ARFGEF2: variants seen among roughly 807,000 people sequenced by gnomAD.
ARFGEF2 encodes the protein ARF guanine nucleotide exchange factor 2.
ARFGEF2 carries 74 observed loss-of-function variants against 219.9 expected under a neutral mutation model. The ratio of observed to expected loss-of-function variants is 0.34; its 90% CI spans 0.28 to 0.41. The LOEUF (loss-of-function observed/expected upper bound fraction) is 0.41, where lower values mean the gene tolerates loss of function less well. Among genes scored for constraint, ARFGEF2 ranks in the 10% least tolerant of loss-of-function variants. ARFGEF2 has a pLI of 1.00. For synonymous variants in ARFGEF2, 733 were observed against 799.2 expected (o/e 0.92, Z 1.40); for missense variants, 1,743 against 2,218.3 (o/e 0.79, Z 4.30).
intron 26 of ARFGEF2, among the ~76,000 whole-genome samples, chr20:49,008,997 C>A (rs1050043049): frequency 2.0e-5 from 3 of 152,178 alleles, no homozygotes; most frequent in African/African-American, 7.2e-5. Flanking sequence ...TGTGAACCAC[C>A]ATGCACAGGT....
At chr20:49,007,297 T>TA (rs1388044485) in intron 26 of ARFGEF2, among the ~76,000 whole-genome samples, 2 of 151,730 alleles carry the variant, frequency 1.3e-5, no homozygotes, top group Non-Finnish European at 2.9e-5. Context: ...GATCTTTTTT[T>TA]TTTTTTTTTG....
chr20:48,932,397 G>C (rs1160085370), intron 1 of ARFGEF2, among the ~76,000 whole-genome samples: 2 of 152,180 alleles, frequency 1.3e-5, no homozygotes, highest in African/African-American at 4.8e-5. Flanking sequence ...ATCGTGGAGA[G>C]TGAGAGGTGA....
chr20:48,976,419 A>G (rs1387901924), intron 14 of ARFGEF2, among the ~76,000 whole-genome samples: 1 of 152,186 alleles, frequency 6.6e-6, no homozygotes, highest in African/African-American at 2.4e-5. Flanking sequence ...TGGTTGATGC[A>G]GCCTTTTTTC....
intron 8 of ARFGEF2, among the ~76,000 whole-genome samples, chr20:48,967,845 G>A (rs1198475706): frequency 1.3e-5 from 2 of 152,132 alleles, no homozygotes; most frequent in Non-Finnish European, 2.9e-5. Context: ...GAGTAATAAG[G>A]TCATTTAGAT....
At chr20:48,938,359 A>C (rs1255496914) in intron 1 of ARFGEF2, among the ~76,000 whole-genome samples, 1 of 152,156 alleles carries the variant, frequency 6.6e-6, no homozygotes, top group Non-Finnish European at 1.5e-5. Flanking sequence ...CCATCCCTTA[A>C]AGCAAAATTG....
At chr20:49,016,821 A>G (rs542789626) in intron 31 of ARFGEF2, among the ~76,000 whole-genome samples, 1 of 152,296 alleles carries the variant, frequency 6.6e-6, no homozygotes, top group Middle Eastern at 3.4e-3. Context: ...TCCATAGATA[A>G]TTTTGGCTTA....
intron 26 of ARFGEF2, 129 bp from the exon 27 acceptor site, chr20:49,010,103 A>C: frequency 1.7e-6 from 2 of 1,164,586 alleles, no homozygotes; most frequent in Non-Finnish European, 2.4e-6. Context: ...GAAACGGGGC[A>C]GAGCCCAAAT....
At chr20:48,940,963 C>T (rs1215993329) in intron 1 of ARFGEF2, among the ~76,000 whole-genome samples, 1 of 152,132 alleles carries the variant, frequency 6.6e-6, no homozygotes, top group African/African-American at 2.4e-5. Context: ...CTCATAGGAT[C>T]GTTGTGAGGG....
rs968604700 is a variant in ARFGEF2, at chr20:48,922,064, G to A, written c.121+54G>A. ...CGCTGGCCTCAGCACGTCGGCCGTTGCCCTATCCTACTCGGCCTTGGCCCG... is the reference window on the plus strand; with the variant it reads ...CGCTGGCCTCAGCACGTCGGCCGTTACCCTATCCTACTCGGCCTTGGCCCG... On this transcript the variant is annotated intron_variant, in intron 1 of 38. Transcript: ENST00000371917. 4.0e-5 allele frequency: 61 copies of A among 1,541,884 alleles called. No individual in the cohort carries two copies. The African/African-American group carries it at 7.0e-4, about 18-fold the overall frequency.
At chr20:48,933,360 G>C (rs1213361874) in intron 1 of ARFGEF2, among the ~76,000 whole-genome samples, 2 of 152,160 alleles carry the variant, frequency 1.3e-5, no homozygotes, top group Non-Finnish European at 2.9e-5. Flanking sequence ...CGTGGATCCT[G>C]ACTGCAGAGT....
intron 37 of ARFGEF2, 127 bp downstream of exon 37, chr20:49,028,795 T>A: frequency 9.9e-7 from 1 of 1,013,268 alleles, no homozygotes; most frequent in Non-Finnish European, 1.5e-6. Flanking sequence ...TTTTTCTTTC[T>A]ATTTGGTGAC....
rs538095046 is a variant in ARFGEF2 at position 48,966,449 on chromosome 20, G to T, written c.1059+426G>T. Among the ~76,000 whole-genome samples the T allele has an allele frequency of 3.3e-5, 5 of 152,082 alleles. No homozygotes were observed. In the South Asian group the frequency reaches 8.3e-4, roughly 25 times the overall value. ...CCATCTAGATTTTTCTCCATCTCAC[G>T]TATTTTTCCACTTAAATAGAATAAT... On this transcript the variant is annotated intron_variant, in intron 8 of 38. Transcript: ENST00000371917.
At chr20:49,010,429 C>A (rs2091491135) in intron 27 of ARFGEF2, 25 bp downstream of exon 27, 1 of 1,611,806 alleles carries the variant, frequency 6.2e-7, no homozygotes, top group African/African-American at 1.3e-5. Flanking sequence ...TCCCTCCCTA[C>A]TAATGTCCCA....
At chr20:48,990,062 C>T (rs1468742122) in intron 20 of ARFGEF2, among the ~76,000 whole-genome samples, 1 of 152,084 alleles carries the variant, frequency 6.6e-6, no homozygotes, top group Non-Finnish European at 1.5e-5. Context: ...GCCTATAATC[C>T]CAGCTACTCG....
intron 36 of ARFGEF2, among the ~76,000 whole-genome samples, chr20:49,027,864 A>G (rs2091612577): frequency 6.6e-6 from 1 of 152,212 alleles, no homozygotes; most frequent in Non-Finnish European, 1.5e-5. Flanking sequence ...TCAGTGGCTC[A>G]TGTCTGTAAT....
At chr20:49,022,433 A>C (rs1360002312) in intron 34 of ARFGEF2, among the ~76,000 whole-genome samples, 1 of 124,406 alleles carries the variant, frequency 8.0e-6, no homozygotes, top group Non-Finnish European at 1.7e-5. Context: ...CAACAACAAA[A>C]AAAAAAAACC....
chr20:49,005,252 CAAAT>C, intron 26 of ARFGEF2, 31 bp downstream of exon 26: 1 of 1,613,490 alleles, frequency 6.2e-7, no homozygotes. Context: ...GACGCTTGGT[CAAAT>C]TCCCCGTTGG....
At chr20:49,008,896 C>A (rs936972662) in intron 26 of ARFGEF2, among the ~76,000 whole-genome samples, 4 of 151,906 alleles carry the variant, frequency 2.6e-5, no homozygotes, top group African/African-American at 9.7e-5. Context: ...TTAGTAGAGA[C>A]GGGGTTTCAC....
rs988417631 is a variant in ARFGEF2 at position 48,972,254 on chromosome 20, G to A, written c.1426-72G>A. 6.3e-6 allele frequency: 7 copies of A among 1,107,770 alleles called. No individual in the cohort carries two copies. The African/African-American group carries it at 1.1e-4, about 17-fold the overall frequency. The allele number at this position is 1,107,770 out of a possible 1,614,324, so 68.6% of individuals were successfully genotyped here. On this transcript the variant is annotated intron_variant, in intron 10 of 38. Coordinates refer to ENST00000371917, the MANE Select transcript of ARFGEF2 (RefSeq NM_006420.3). ...TTACTGCACGACTGGGTTGGCTGCT[G>A]AAGACTTTGGAGGTTTTGAGCCCTG...
Sources: allele counts gnomAD v4.1 joint callset (sites outside exome capture counted in the v4.1 genomes callset), GRCh38; gene constraint gnomAD v4.1.1; transcripts MANE v1.5; gene names NCBI Gene and HGNC (gene_info 2026-07-23, HGNC 2026-07-21).